The following COL24A1 variants were observed in gnomAD, a reference collection of about 807,000 sequenced individuals.
COL24A1 encodes the protein collagen type XXIV alpha 1 chain.
COL24A1 carries 224 observed loss-of-function variants against 253.9 expected under a neutral mutation model. That is an observed-to-expected ratio of 0.88 (90% CI 0.79 to 0.99). The LOEUF (loss-of-function observed/expected upper bound fraction) is 0.99, where lower values mean the gene tolerates loss of function less well. Ranked by LOEUF, COL24A1 falls within the 50% of genes least tolerant of loss-of-function variation. COL24A1 has a pLI of 0.00. For missense variants in COL24A1, 2,131 were observed against 2,068.5 expected, an observed-to-expected ratio of 1.03 and a Z score of -0.59; for synonymous variants, 685 against 673.7, an observed-to-expected ratio of 1.02 and a Z score of -0.26.
intron 20 of COL24A1, among the ~76,000 whole-genome samples, chr1:85,981,564 A>T: frequency 6.6e-6 from 1 of 152,178 alleles, no homozygotes; most frequent in Non-Finnish European, 1.5e-5. Context: ...ACTGGAAAAA[A>T]ATCTTCTAGA....
intron 6 of COL24A1, among the ~76,000 whole-genome samples, chr1:86,090,644 T>C (rs555490907): frequency 6.6e-6 from 1 of 152,312 alleles, no homozygotes. Context: ...AGTTTCCTTT[T>C]TCCTCAGTAT....
intron 32 of COL24A1, among the ~76,000 whole-genome samples, chr1:85,877,463 A>G (rs1280325260): frequency 1.3e-5 from 2 of 152,228 alleles, no homozygotes; most frequent in African/African-American, 4.8e-5. Flanking sequence ...CCCAGGTTCA[A>G]GCGATTCTCC....
chr1:85,937,071 T>C (rs1356296500), intron 24 of COL24A1, among the ~76,000 whole-genome samples: 1 of 147,496 alleles, frequency 6.8e-6, no homozygotes, highest in Non-Finnish European at 1.5e-5. Context: ...CCAGTACCTC[T>C]TCTTTAGCTG....
chr1:85,767,284 G>A (rs113431386), intron 53 of COL24A1, among the ~76,000 whole-genome samples: 10 of 151,946 alleles, frequency 6.6e-5, no homozygotes, highest in Admixed American at 2.0e-4. Context: ...AATGACCTCC[G>A]CGAATGTATT....
intron 19 of COL24A1, among the ~76,000 whole-genome samples, chr1:85,998,404 T>G (rs1403336781): frequency 6.6e-6 from 1 of 152,248 alleles, no homozygotes; most frequent in African/African-American, 2.4e-5. Flanking sequence ...CTGATTATTT[T>G]ATATCCATAC....
At chr1:85,802,633 T>C (rs1353594201) in intron 47 of COL24A1, among the ~76,000 whole-genome samples, 1 of 152,186 alleles carries the variant, frequency 6.6e-6, no homozygotes, top group Non-Finnish European at 1.5e-5. Context: ...TTTGATAAAC[T>C]GGCATAATAA....
At chr1:85,813,643 C>T (rs1672787201) in intron 47 of COL24A1, among the ~76,000 whole-genome samples, 1 of 139,480 alleles carries the variant, frequency 7.2e-6, no homozygotes, top group South Asian at 2.4e-4. Context: ...CTCCGCCTCC[C>T]GGGTTCACGC....
At chr1:85,949,310 A>G (rs1689668681) in intron 24 of COL24A1, among the ~76,000 whole-genome samples, 1 of 152,220 alleles carries the variant, frequency 6.6e-6, no homozygotes, top group African/African-American at 2.4e-5. Context: ...GGATATAAAT[A>G]TCTAATACAC....
intron 24 of COL24A1, among the ~76,000 whole-genome samples, chr1:85,943,465 T>C (rs1045954761): frequency 6.6e-6 from 1 of 152,256 alleles, no homozygotes; most frequent in Non-Finnish European, 1.5e-5. Flanking sequence ...AAGCTGAGTA[T>C]CATTCTTTCA....
At chr1:86,003,818 C>T (rs892628060) in intron 19 of COL24A1, among the ~76,000 whole-genome samples, 2 of 152,046 alleles carry the variant, frequency 1.3e-5, no homozygotes, top group East Asian at 1.9e-4. Context: ...GACAGAGTCA[C>T]ATGACTAGAC....
At chr1:85,782,181 G>A (rs1669213863) in intron 51 of COL24A1, among the ~76,000 whole-genome samples, 1 of 152,122 alleles carries the variant, frequency 6.6e-6, no homozygotes, top group Admixed American at 6.5e-5. Context: ...TTGCCTCCTG[G>A]GTTCAAGTGA....
At chr1:85,908,047 A>C (rs1308629800) in intron 27 of COL24A1, among the ~76,000 whole-genome samples, 1 of 151,788 alleles carries the variant, frequency 6.6e-6, no homozygotes, top group Non-Finnish European at 1.5e-5. Flanking sequence ...TGATAAGAAA[A>C]GTTCTGCTCA....
chr1:85,835,064 C>G (rs1487046087), intron 43 of COL24A1, among the ~76,000 whole-genome samples: 1 of 152,066 alleles, frequency 6.6e-6, no homozygotes, highest in Non-Finnish European at 1.5e-5. Flanking sequence ...TCCATGGCCC[C>G]TAGCTCTTCT....
chr1:85,915,715 C>G (rs1428899450), intron 24 of COL24A1, among the ~76,000 whole-genome samples: 3 of 152,152 alleles, frequency 2.0e-5, no homozygotes, highest in Non-Finnish European at 4.4e-5. Context: ...GTGGTATGAT[C>G]TTGGTTCACT....
chr1:85,770,496 T>C (rs1341596928), intron 53 of COL24A1, among the ~76,000 whole-genome samples: 1 of 151,524 alleles, frequency 6.6e-6, no homozygotes, highest in Non-Finnish European at 1.5e-5. Context: ...GCTAAGTGAG[T>C]AGATGTTAGC....
At chr1:86,010,242 T>C (rs634946) in intron 19 of COL24A1, among the ~76,000 whole-genome samples, 27,637 of 152,072 alleles carry the variant, frequency 0.18, 3,196 homozygotes, top group African/African-American at 0.32. Context: ...AAAGCTGCTT[T>C]CTGTCAAAAA....
At chr1:85,881,496 G>A (rs1041104032) in intron 32 of COL24A1, among the ~76,000 whole-genome samples, 1 of 151,830 alleles carries the variant, frequency 6.6e-6, no homozygotes, top group Non-Finnish European at 1.5e-5. Context: ...GTGGTGGTAC[G>A]CACCTGTAAT....
chr1:85,991,867 TTTTTTA>T (rs1247725286), intron 19 of COL24A1, among the ~76,000 whole-genome samples: 2 of 151,970 alleles, frequency 1.3e-5, no homozygotes, highest in South Asian at 4.1e-4. Context: ...TTATTTTTTA[TTTTTTA>T]TTTTTATTGG....
intron 35 of COL24A1, among the ~76,000 whole-genome samples, chr1:85,874,231 G>T (rs1680880222): frequency 1.3e-5 from 2 of 152,090 alleles, no homozygotes; most frequent in African/African-American, 4.8e-5. Flanking sequence ...CTTGCATCTT[G>T]TTAACTTTGC....
Sources: gnomAD v4.1 joint callset for allele counts (sites outside exome capture counted in the v4.1 genomes callset) on GRCh38, gnomAD v4.1.1 for gene constraint, MANE v1.5 for transcripts, NCBI Gene and HGNC (gene_info 2026-07-23, HGNC 2026-07-21) for gene names.